Variants in ZBTB20 observed in about 807,000 individuals in gnomAD.
The protein encoded by ZBTB20 is zinc finger and BTB domain containing 20.
In ZBTB20, 9 loss-of-function variants were observed where a neutral mutation model predicts 56.9. The observed-to-expected ratio is 0.16, with a 90% confidence interval of 0.10 to 0.28. The LOEUF (loss-of-function observed/expected upper bound fraction) is 0.28, where lower values mean the gene tolerates loss of function less well. ZBTB20 is among the 10% of genes least tolerant of loss of function. ZBTB20 has a pLI of 1.00. For missense variants in ZBTB20, 655 were observed against 1,003.0 expected, an observed-to-expected ratio of 0.65 and a Z score of 4.69; for synonymous variants, 417 against 420.7, an observed-to-expected ratio of 0.99 and a Z score of 0.11.
chr3:114,498,417 G>A (rs1268664637), intron 7 of ZBTB20, among the ~76,000 whole-genome samples: 4 of 152,146 alleles, frequency 2.6e-5, no homozygotes, highest in Non-Finnish European at 5.9e-5. Flanking sequence ...CAAAGCACTG[G>A]GGAGATAATG....
intron 3 of ZBTB20, among the ~76,000 whole-genome samples, chr3:114,944,782 T>C (rs972280594): frequency 6.9e-6 from 1 of 145,342 alleles, no homozygotes; most frequent in Non-Finnish European, 1.5e-5. Flanking sequence ...AAAAAGGCCA[T>C]AGATACAGGG....
chr3:114,993,490 A>G (rs1177612539), intron 2 of ZBTB20, among the ~76,000 whole-genome samples: 3 of 151,908 alleles, frequency 2.0e-5, no homozygotes, highest in Non-Finnish European at 4.4e-5. Flanking sequence ...AATGTGTAAT[A>G]TTTATAAAAT....
intron 6 of ZBTB20, among the ~76,000 whole-genome samples, chr3:114,658,039 G>C (rs1354763861): frequency 6.6e-6 from 1 of 152,106 alleles, no homozygotes; most frequent in African/African-American, 2.4e-5. Context: ...TTTTAAAATT[G>C]AGACAAGACT....
chr3:114,986,517 G>A (rs1273745075), intron 2 of ZBTB20, among the ~76,000 whole-genome samples: 1 of 151,822 alleles, frequency 6.6e-6, no homozygotes, highest in Non-Finnish European at 1.5e-5. Flanking sequence ...GATGTTTACT[G>A]ATTTCTCTTA....
intron 1 of ZBTB20, among the ~76,000 whole-genome samples, chr3:115,122,313 AT>A (rs976844842): frequency 2.6e-5 from 4 of 151,438 alleles, no homozygotes; most frequent in Admixed American, 1.3e-4. Flanking sequence ...AAATACCAAG[AT>A]TTTTTTTTCA....
At chr3:114,363,810 A>G (rs966048511) in intron 10 of ZBTB20, among the ~76,000 whole-genome samples, 2 of 152,188 alleles carry the variant, frequency 1.3e-5, no homozygotes, top group African/African-American at 4.8e-5. Context: ...CTGCTCTCAG[A>G]CACTGAGTCT....
chr3:114,606,813 C>T (rs1036596790), intron 6 of ZBTB20, among the ~76,000 whole-genome samples: 7 of 152,126 alleles, frequency 4.6e-5, no homozygotes, highest in South Asian at 2.1e-4. Flanking sequence ...AACATTTTTG[C>T]GGCCAGGCAC....
chr3:114,375,466 C>G (rs1478822148), intron 10 of ZBTB20, among the ~76,000 whole-genome samples: 1 of 152,184 alleles, frequency 6.6e-6, no homozygotes, highest in Non-Finnish European at 1.5e-5. Flanking sequence ...CTTTTACTTT[C>G]CAGTTTGAAT....
At chr3:114,454,175 G>GGAGAGAGAGAGAGA (rs71146322) in intron 7 of ZBTB20, among the ~76,000 whole-genome samples, 1,408 of 116,596 alleles carry the variant, frequency 0.012, 47 homozygotes, top group African/African-American at 0.036. Context: ...AAAAGAGAAG[G>GGAGAGAGAGAGAGA]GAGAGAGAGA....
At chr3:114,810,097 T>G (rs909329433) in intron 4 of ZBTB20, among the ~76,000 whole-genome samples, 2 of 152,210 alleles carry the variant, frequency 1.3e-5, no homozygotes, top group Non-Finnish European at 2.9e-5. Context: ...GTGTGTGGGT[T>G]GTAGAATGCA....
chr3:115,111,123 T>C (rs946810090), intron 1 of ZBTB20, among the ~76,000 whole-genome samples: 3 of 152,052 alleles, frequency 2.0e-5, no homozygotes, highest in African/African-American at 7.2e-5. Flanking sequence ...CTAAATATGA[T>C]GTACTACTCT....
At chr3:115,108,401 T>G (rs2083784230) in intron 1 of ZBTB20, among the ~76,000 whole-genome samples, 1 of 152,122 alleles carries the variant, frequency 6.6e-6, no homozygotes, top group African/African-American at 2.4e-5. Context: ...TAAACTGTAC[T>G]ACATAAAAAA....
chr3:114,442,769 A>T (rs1244346320), intron 7 of ZBTB20, among the ~76,000 whole-genome samples: 1 of 152,120 alleles, frequency 6.6e-6, no homozygotes, highest in African/African-American at 2.4e-5. Context: ...GACTGGCAAG[A>T]TCCATACATA....
chr3:115,037,083 C>T (rs961686159), intron 2 of ZBTB20, among the ~76,000 whole-genome samples: 3 of 152,128 alleles, frequency 2.0e-5, no homozygotes, highest in Admixed American at 2.0e-4. Flanking sequence ...ATGATCATTA[C>T]TGTTTATTAA....
intron 6 of ZBTB20, among the ~76,000 whole-genome samples, chr3:114,637,158 G>T (rs2059324602): frequency 6.6e-6 from 1 of 151,998 alleles, no homozygotes; most frequent in Non-Finnish European, 1.5e-5. Flanking sequence ...CCTTGATTAG[G>T]ATCCTTTTGA....
At position 114,896,678 on chromosome 3, in the gene ZBTB20, T is replaced by C. The variant is rs564903375; in HGVS notation, c.-417+3626A>G. 9.2e-5 allele frequency among the ~76,000 whole-genome samples: 14 copies of C among 152,218 alleles called. No individual in the cohort carries two copies. In the East Asian group the frequency reaches 1.9e-3, roughly 21 times the overall value. On this transcript the variant is annotated intron_variant, in intron 4 of 11. Coordinates refer to ENST00000675478, the MANE Select transcript of ZBTB20 (RefSeq NM_001348800.3). ...ACAACATGAAAGTGTTATATAGAGA[T>C]GTATTGTGGTGATGGCTGTGCAAGC... is the stretch of plus-strand genomic sequence containing the variant.
At chr3:114,816,828 A>G (rs1046364946) in intron 4 of ZBTB20, among the ~76,000 whole-genome samples, 1 of 152,162 alleles carries the variant, frequency 6.6e-6, no homozygotes, top group Non-Finnish European at 1.5e-5. Flanking sequence ...TTCAGTCTAC[A>G]ATTATAGTAG....
At chr3:114,355,490 G>T (rs2081155698) in intron 10 of ZBTB20, among the ~76,000 whole-genome samples, 1 of 152,146 alleles carries the variant, frequency 6.6e-6, no homozygotes, top group Non-Finnish European at 1.5e-5. Context: ...GGGGGACCCT[G>T]CCTCCCCATT....
intron 5 of ZBTB20, among the ~76,000 whole-genome samples, chr3:114,735,821 T>C (rs1345977089): frequency 6.6e-6 from 1 of 152,112 alleles, no homozygotes; most frequent in Non-Finnish European, 1.5e-5. Context: ...TTAACCAACA[T>C]TACTTATAGT....
Sources: gnomAD v4.1 joint callset for allele counts (sites outside exome capture counted in the v4.1 genomes callset) on GRCh38, gnomAD v4.1.1 for gene constraint, MANE v1.5 for transcripts, NCBI Gene and HGNC (gene_info 2026-07-23, HGNC 2026-07-21) for gene names.